CDH23: variants seen among roughly 807,000 people sequenced by gnomAD.
CDH23 encodes cadherin related 23.
CDH23 carries 189 observed loss-of-function variants against 317.1 expected under a neutral mutation model. The ratio of observed to expected loss-of-function variants is 0.60; its 90% CI spans 0.53 to 0.67. CDH23 has a LOEUF of 0.67. Ranked by LOEUF, CDH23 falls within the 30% of genes least tolerant of loss-of-function variation. CDH23 has a pLI of 0.00. For missense variants in CDH23, 4,401 were observed against 4,592.4 expected, an observed-to-expected ratio of 0.96 and a Z score of 1.20; for synonymous variants, 1,839 against 1,876.8, an observed-to-expected ratio of 0.98 and a Z score of 0.52.
chr10:71,448,336 G>A (rs1263521739), intron 3 of CDH23, among the ~76,000 whole-genome samples: 3 of 152,320 alleles, frequency 2.0e-5, no homozygotes, highest in South Asian at 2.1e-4. Flanking sequence ...CGCCAGCATC[G>A]ATCGGCCTCC....
chr10:71,596,297 G>A (rs1455367241), intron 9 of CDH23, among the ~76,000 whole-genome samples: 1 of 152,156 alleles, frequency 6.6e-6, no homozygotes, highest in Non-Finnish European at 1.5e-5. Flanking sequence ...CCATTTCACA[G>A]ATAAGGAAAT....
At chr10:71,696,739 G>A (rs1326447113) in intron 22 of CDH23, among the ~76,000 whole-genome samples, 1 of 152,244 alleles carries the variant, frequency 6.6e-6, no homozygotes, top group African/African-American at 2.4e-5. Flanking sequence ...CACTGGAATA[G>A]GCACAGTGGA....
At chr10:71,609,622 C>T (rs532458218) in intron 9 of CDH23, among the ~76,000 whole-genome samples, 2 of 152,246 alleles carry the variant, frequency 1.3e-5, no homozygotes, top group Non-Finnish European at 2.9e-5. Flanking sequence ...GCACCCGGCA[C>T]TAGGCTGGTT....
At chr10:71,550,177 T>C (rs1055060991) in intron 6 of CDH23, among the ~76,000 whole-genome samples, 2 of 152,066 alleles carry the variant, frequency 1.3e-5, no homozygotes, top group Non-Finnish European at 2.9e-5. Flanking sequence ...CAGGGACTGT[T>C]GTGAGGGCTG....
intron 1 of CDH23, among the ~76,000 whole-genome samples, chr10:71,404,791 T>A (rs916324292): frequency 2.0e-5 from 3 of 152,246 alleles, no homozygotes; most frequent in African/African-American, 7.2e-5. Context: ...GCCTGTGTCT[T>A]CCTGGAGATG....
At chr10:71,488,009 T>C (rs990169286) in intron 3 of CDH23, among the ~76,000 whole-genome samples, 1 of 152,260 alleles carries the variant, frequency 6.6e-6, no homozygotes, top group Admixed American at 6.5e-5. Flanking sequence ...ACATCTGCAC[T>C]CCTCAGGCCT....
At chr10:71,469,609 C>CT (rs1564600074) in intron 3 of CDH23, among the ~76,000 whole-genome samples, 2 of 122,294 alleles carry the variant, frequency 1.6e-5, no homozygotes, top group East Asian at 3.3e-4. Flanking sequence ...TTTGTGTCCC[C>CT]CCCTTGTTTT....
intron 6 of CDH23, among the ~76,000 whole-genome samples, chr10:71,565,766 A>G (rs1316639922): frequency 6.6e-6 from 1 of 152,210 alleles, no homozygotes; most frequent in Non-Finnish European, 1.5e-5. Context: ...TTCAGTGTAC[A>G]GTGAAGGGAT....
At chr10:71,421,247 G>A (rs1435296984) in intron 1 of CDH23, among the ~76,000 whole-genome samples, 1 of 152,228 alleles carries the variant, frequency 6.6e-6, no homozygotes, top group Non-Finnish European at 1.5e-5. Flanking sequence ...CCAGCCAGGA[G>A]CGGTTCCACT....
chr10:71,679,545 T>C (rs1398946599), intron 17 of CDH23, 53 bp downstream of exon 17: 48 of 1,345,854 alleles, frequency 3.6e-5, no homozygotes, highest in Non-Finnish European at 4.8e-5. Flanking sequence ...TGGGGGGCTC[T>C]CTGCACTCAC....
intron 30 of CDH23, among the ~76,000 whole-genome samples, chr10:71,728,182 T>C (rs1416976745): frequency 6.6e-6 from 1 of 152,120 alleles, no homozygotes; most frequent in Non-Finnish European, 1.5e-5. Context: ...AATTCATCCA[T>C]GCAAACTCCC....
chr10:71,625,149 TG>T (rs1426431900), intron 11 of CDH23, among the ~76,000 whole-genome samples: 1 of 151,788 alleles, frequency 6.6e-6, no homozygotes, highest in African/African-American at 2.4e-5. Context: ...GCACCCCCAC[TG>T]GGGGCCGCTT....
chr10:71,727,666 C>T (rs146558641), intron 30 of CDH23, among the ~76,000 whole-genome samples: 19 of 152,300 alleles, frequency 1.2e-4, no homozygotes, highest in Non-Finnish European at 1.0e-4. Flanking sequence ...GACACATACA[C>T]ACACACACAC....
chr10:71,716,154 C>T (rs1261397618), intron 28 of CDH23: 3 of 1,550,492 alleles, frequency 1.9e-6, no homozygotes, highest in African/African-American at 1.4e-5. Flanking sequence ...TCCAGCGCGG[C>T]CGGCTTGCAG....
chr10:71,490,571 A>T (rs1388364455), intron 3 of CDH23, among the ~76,000 whole-genome samples: 3 of 152,208 alleles, frequency 2.0e-5, no homozygotes, highest in Non-Finnish European at 2.9e-5. Context: ...AGGCCAAGTA[A>T]CTTTCCAAAG....
intron 6 of CDH23, among the ~76,000 whole-genome samples, chr10:71,546,518 G>T (rs1856291289): frequency 6.6e-6 from 1 of 152,220 alleles, no homozygotes; most frequent in East Asian, 1.9e-4. Context: ...CCCAGGTTCA[G>T]GGAATTAGGG....
intron 3 of CDH23, among the ~76,000 whole-genome samples, chr10:71,475,203 G>A (rs1400934847): frequency 6.6e-6 from 1 of 152,212 alleles, no homozygotes; most frequent in Non-Finnish European, 1.5e-5. Context: ...GCACAGGGAG[G>A]CATTCACCTG....
At chr10:71,449,684 C>A (rs570402321) in intron 3 of CDH23, among the ~76,000 whole-genome samples, 9 of 152,296 alleles carry the variant, frequency 5.9e-5, no homozygotes, top group African/African-American at 2.2e-4. Flanking sequence ...GCTACAGGGT[C>A]TATCTATATG....
intron 6 of CDH23, among the ~76,000 whole-genome samples, chr10:71,532,719 T>TTTGTTTTGTTTTG (rs1855460561): frequency 2.4e-5 from 1 of 40,932 alleles, no homozygotes; most frequent in African/African-American, 1.0e-4. Flanking sequence ...TTGTTTTTTT[T>TTTGTTTTGTTTTG]TTTTTTTGTT....
Sources: gnomAD v4.1 joint callset for allele counts (sites outside exome capture counted in the v4.1 genomes callset) on GRCh38, gnomAD v4.1.1 for gene constraint, MANE v1.5 for transcripts, NCBI Gene and HGNC (gene_info 2026-07-23, HGNC 2026-07-21) for gene names.